SRL: variants seen among roughly 807,000 people sequenced by gnomAD.
SRL encodes sarcalumenin.
SRL carries 23 observed loss-of-function variants against 39.5 expected under a neutral mutation model. The ratio of observed to expected loss-of-function variants is 0.58; its 90% CI spans 0.42 to 0.82. The LOEUF (loss-of-function observed/expected upper bound fraction) is 0.82. Ranked by LOEUF, SRL falls within the 40% of genes least tolerant of loss-of-function variation. The probability of loss-of-function intolerance (pLI) is 0.00; values close to 1 mark genes in which losing one functional copy is unlikely to be tolerated. For synonymous variants in SRL, 272 were observed against 237.4 expected, an observed-to-expected ratio of 1.15 and a Z score of -1.34; for missense variants, 592 against 607.8, an observed-to-expected ratio of 0.97 and a Z score of 0.27.
chr16:4,221,186 C>T (rs1399082367), intron 1 of SRL, among the ~76,000 whole-genome samples: 1 of 151,950 alleles, frequency 6.6e-6, no homozygotes, highest in East Asian at 1.9e-4. Context: ...GTAGATGGGA[C>T]TACAGGTGCA....
chr16:4,215,792 G>A (rs1159753830), intron 1 of SRL, among the ~76,000 whole-genome samples: 1 of 152,160 alleles, frequency 6.6e-6, no homozygotes, highest in African/African-American at 2.4e-5. Context: ...GAGCCCAGGA[G>A]TTTGAAACCA....
chr16:4,211,303 C>G (rs2052388842), intron 1 of SRL, among the ~76,000 whole-genome samples: 1 of 150,184 alleles, frequency 6.7e-6, no homozygotes, highest in Non-Finnish European at 1.5e-5. Flanking sequence ...CCATTGTGGG[C>G]TCCCACGTTG....
chr16:4,197,497 C>T lies in SRL; in HGVS notation c.376+302G>A, dbSNP rs977734266. Reference sequence around the variant, plus strand: ...AGTGCAGTGGCACAATCTCAGCTCACTACAATCTCTGCCTTCTAGGTTCAA... The same window carrying T: ...AGTGCAGTGGCACAATCTCAGCTCATTACAATCTCTGCCTTCTAGGTTCAA... On this transcript the variant is annotated intron_variant, in intron 4 of 5. Transcript: ENST00000399609. Among the ~76,000 whole-genome samples, 11 of 148,732 alleles carry T rather than the reference C, an allele frequency of 7.4e-5. No homozygotes were observed. In the Admixed American group the frequency reaches 7.4e-4, roughly 10 times the overall value.
chr16:4,198,921 A>C (rs759030739), intron 3 of SRL, among the ~76,000 whole-genome samples: 2 of 152,176 alleles, frequency 1.3e-5, no homozygotes, highest in African/African-American at 2.4e-5. Flanking sequence ...AAGAGGAAAA[A>C]TAGAATGCTC....
At chr16:4,240,946 C>G (rs975491855) in intron 1 of SRL, among the ~76,000 whole-genome samples, 6 of 152,134 alleles carry the variant, frequency 3.9e-5, no homozygotes, top group Non-Finnish European at 5.9e-5. Flanking sequence ...GTGGCTGGAG[C>G]CCCCCACCTT....
chr16:4,224,166 A>AGATCAG (rs1309315579), intron 1 of SRL, among the ~76,000 whole-genome samples: 2 of 152,150 alleles, frequency 1.3e-5, no homozygotes, highest in Admixed American at 1.3e-4. Context: ...AGGAGTAGAA[A>AGATCAG]GATCAGTGTT....
chr16:4,207,496 C>T (rs754620865), intron 1 of SRL: 75 of 456,612 alleles, frequency 1.6e-4, no homozygotes, highest in South Asian at 1.0e-3. Context: ...TCGGCCTCTG[C>T]GTTCAGTGGG....
intron 1 of SRL, among the ~76,000 whole-genome samples, chr16:4,221,052 T>C (rs563280896): frequency 1.2e-3 from 161 of 139,078 alleles, no homozygotes; most frequent in African/African-American, 4.0e-3. Context: ...GCTATTCCAT[T>C]ATTTTTTTTT....
rs2052088116 is a variant in SRL at position 4,192,932 on chromosome 16, T to A, written c.643A>T (p.Ile215Phe). 6.2e-7 allele frequency: 1 copy of A among 1,613,220 alleles called. No homozygotes were observed. Among genetic ancestry groups the A allele is most frequent in the African/African-American group, 1.3e-5 (1 of 74,912 alleles). ...YPFNDVCQWF[I>F]DRADLIFVVF... ...ACAAAGATGAGGTCAGCTCTGTCGATGAACCACTGGCACACGTCGTTGAAG... is the reference window on the plus strand; with the variant it reads ...ACAAAGATGAGGTCAGCTCTGTCGAAGAACCACTGGCACACGTCGTTGAAG... The change falls in exon 6 of 6, where the codon ATC (isoleucine) becomes TTC (phenylalanine). Residue 215 changes from isoleucine (I) to phenylalanine (F), a missense_variant. Coordinates refer to ENST00000399609, the MANE Select transcript of SRL (RefSeq NM_001098814.2). This position sits in a 1 kb window ranked among gnomAD's most constrained non-coding sequence, Gnocchi z 4.0.
intron 1 of SRL, among the ~76,000 whole-genome samples, chr16:4,217,506 C>T (rs371309524): frequency 7.2e-5 from 11 of 152,194 alleles, no homozygotes; most frequent in South Asian, 2.1e-4. Context: ...CCAGCCTTAG[C>T]GTCTCAAAGT....
chr16:4,197,421 C>CTTTTTTTTTTTTTTT (rs71139621), intron 4 of SRL, among the ~76,000 whole-genome samples: 2 of 107,568 alleles, frequency 1.9e-5, no homozygotes, highest in African/African-American at 7.5e-5. Flanking sequence ...CTTTTCTTTC[C>CTTTTTTTTTTTTTTT]TTTTTTTTTT....
At chr16:4,240,719 G>A (rs1434179429) in intron 1 of SRL, among the ~76,000 whole-genome samples, 1 of 152,206 alleles carries the variant, frequency 6.6e-6, no homozygotes, top group Admixed American at 6.5e-5. Context: ...GGGGCCCAGT[G>A]TGTAGCAGCC....
At chr16:4,212,074 C>G (rs2052400581) in intron 1 of SRL, among the ~76,000 whole-genome samples, 1 of 152,180 alleles carries the variant, frequency 6.6e-6, no homozygotes, top group Non-Finnish European at 1.5e-5. Flanking sequence ...CCATGACCTT[C>G]ACACTGCTGT....
intron 3 of SRL, among the ~76,000 whole-genome samples, chr16:4,202,592 CAA>C (rs59918885): frequency 1.4e-5 from 2 of 140,288 alleles, no homozygotes; most frequent in Non-Finnish European, 1.6e-5. Flanking sequence ...GACTCCATCT[CAA>C]AAAAAAAAAA....
chr16:4,205,673 G>T (rs1482062340), intron 1 of SRL, among the ~76,000 whole-genome samples: 1 of 152,118 alleles, frequency 6.6e-6, no homozygotes, highest in Non-Finnish European at 1.5e-5. Context: ...CTGCAGCTGG[G>T]GAGGCCTGGG....
At chr16:4,212,515 T>G (rs891658952) in intron 1 of SRL, among the ~76,000 whole-genome samples, 4 of 152,194 alleles carry the variant, frequency 2.6e-5, no homozygotes, top group African/African-American at 9.6e-5. Flanking sequence ...CTATTGGCCC[T>G]GGAGCAGGGA....
rs151251282 is a variant in SRL, at chr16:4,195,578, G to A, written c.585C>T (p.Ile195=). ...CTCTTTCTTGCTGCTTGCGGTTCTC[G>A]ATGATGCCTGGTGTATCCACAAAAG... ...RVTFVDTPGI[I]ENRKQQERGY... The change falls in exon 5 of 6, where the codon ATC becomes ATT. Residue 195 remains isoleucine, a synonymous_variant. Coordinates refer to ENST00000399609, the MANE Select transcript of SRL (RefSeq NM_001098814.2). 1.3e-5 allele frequency: 21 copies of A among 1,614,132 alleles called. No homozygotes were observed. The highest frequency in any genetic ancestry group is 1.7e-5 in the Admixed American group (1 of 60,010).
intron 1 of SRL, among the ~76,000 whole-genome samples, chr16:4,223,787 C>G (rs528908806): frequency 6.6e-6 from 1 of 152,212 alleles, no homozygotes; most frequent in South Asian, 2.1e-4. Context: ...CAATCTAAGC[C>G]CATCTTCCCA....
chr16:4,211,414 A>C (rs1351483728), intron 1 of SRL, among the ~76,000 whole-genome samples: 3 of 150,622 alleles, frequency 2.0e-5, no homozygotes, highest in African/African-American at 7.3e-5. Flanking sequence ...GTTGTCCTTC[A>C]ATGATGATGG....
Sources: allele counts gnomAD v4.1 joint callset (sites outside exome capture counted in the v4.1 genomes callset), GRCh38; gene constraint gnomAD v4.1.1; non-coding constraint Gnocchi (gnomAD v3.1); transcripts MANE v1.5; gene names NCBI Gene and HGNC (gene_info 2026-07-23, HGNC 2026-07-21).